Variants in NFASC observed in about 807,000 individuals in gnomAD.
The protein encoded by NFASC is neurofascin, also known as neurofascin homolog.
In NFASC, 43 loss-of-function variants were observed where a neutral mutation model predicts 147.5. The ratio of observed to expected loss-of-function variants is 0.29; its 90% CI spans 0.23 to 0.38. The LOEUF (loss-of-function observed/expected upper bound fraction) is 0.38. Ranked by LOEUF, NFASC falls within the 10% of genes least tolerant of loss-of-function variation. NFASC has a pLI of 1.00. For synonymous variants in NFASC, 622 were observed against 665.5 expected, an observed-to-expected ratio of 0.93 and a Z score of 1.01; for missense variants, 1,320 against 1,689.0, an observed-to-expected ratio of 0.78 and a Z score of 3.83.
chr1:204,978,762 G>GC (rs1240715095), intron 17 of NFASC, among the ~76,000 whole-genome samples: 3 of 152,118 alleles, frequency 2.0e-5, no homozygotes, highest in African/African-American at 7.2e-5. Flanking sequence ...TGTGGGGGGG[G>GC]GCTGGGATTT....
intron 7 of NFASC, among the ~76,000 whole-genome samples, chr1:204,955,419 A>C (rs1156909388): frequency 2.0e-5 from 3 of 152,310 alleles, no homozygotes. Context: ...GGTTGATACC[A>C]AACCACCTCT....
intron 25 of NFASC, chr1:204,997,827 CA>C: frequency 3.8e-6 from 1 of 265,054 alleles, no homozygotes; most frequent in Non-Finnish European, 7.4e-6. Context: ...AGATACTGTA[CA>C]GCTGGCCTGA....
In NFASC at chr1:205,015,671, CCCA is replaced by C. The variant is rs960912413; in HGVS notation, c.3492-626_3492-624del. Among the ~76,000 whole-genome samples, 1 of 151,846 alleles carries C rather than the reference CCCA, an allele frequency of 6.6e-6. No homozygotes were observed. The highest frequency in any genetic ancestry group is 1.5e-5 in the Non-Finnish European group (1 of 68,004). On this transcript the variant is annotated intron_variant, in intron 29 of 29. Transcript: ENST00000339876. The surrounding 1 kb of genome is among the most constrained non-coding windows in gnomAD (Gnocchi z 4.0). ...CATCACCTGCTTACCTGTGTGCCCC[CCCA>C]CCACCACCACTCTTGCGCACCTGTG...
At chr1:204,924,875 C>CTTTGT (rs1172162458) in intron 2 of NFASC, among the ~76,000 whole-genome samples, 4 of 152,042 alleles carry the variant, frequency 2.6e-5, no homozygotes, top group East Asian at 1.9e-4. Flanking sequence ...ATTTTGTTTG[C>CTTTGT]TTTGTTTTGT....
At chr1:204,947,712 T>A (rs984672375) in intron 3 of NFASC, among the ~76,000 whole-genome samples, 1 of 151,844 alleles carries the variant, frequency 6.6e-6, no homozygotes, top group Non-Finnish European at 1.5e-5. Context: ...AGAGTGAGTT[T>A]GCCAAAAAGT....
intron 8 of NFASC, among the ~76,000 whole-genome samples, chr1:204,964,937 G>A (rs2094868067): frequency 6.6e-6 from 1 of 152,144 alleles, no homozygotes. Flanking sequence ...GACCTTTAAG[G>A]CCAACATGGT....
At chr1:204,985,926 A>C in intron 21 of NFASC, 1 of 1,613,034 alleles carries the variant, frequency 6.2e-7, no homozygotes, top group East Asian at 2.2e-5. Flanking sequence ...TACTGGAGGG[A>C]GAGCAGCTTG....
At chr1:204,971,003 G>A (rs1242455159) in intron 11 of NFASC, among the ~76,000 whole-genome samples, 3 of 152,104 alleles carry the variant, frequency 2.0e-5, no homozygotes, top group African/African-American at 7.2e-5. Flanking sequence ...CTCCCTTGGG[G>A]TTTTTTAAAT....
At chr1:204,920,819 C>G (rs2090311215) in intron 2 of NFASC, 79 bp downstream of exon 2, 1 of 620,360 alleles carries the variant, frequency 1.6e-6, no homozygotes. Flanking sequence ...TGCCCCTTCT[C>G]TTTGATAAGG....
chr1:205,005,771 C>T (rs914771234), intron 27 of NFASC, among the ~76,000 whole-genome samples: 2 of 152,206 alleles, frequency 1.3e-5, no homozygotes, highest in African/African-American at 4.8e-5. Context: ...CCCCAGATCC[C>T]ACTTGGTTTT....
chr1:204,873,213 G>A (rs761048918), intron 1 of NFASC, among the ~76,000 whole-genome samples: 1 of 152,218 alleles, frequency 6.6e-6, no homozygotes, highest in African/African-American at 2.4e-5. Flanking sequence ...TTGCAGGCTG[G>A]ACTCTGGATT....
chr1:204,864,921 A>G (rs1487580247), intron 1 of NFASC, among the ~76,000 whole-genome samples: 4 of 152,188 alleles, frequency 2.6e-5, no homozygotes, highest in African/African-American at 4.8e-5. Context: ...ACATCCTTCA[A>G]TACATAAAAG....
chr1:204,969,032 C>T, intron 10 of NFASC, 50 bp downstream of exon 10: 1 of 1,526,930 alleles, frequency 6.5e-7, no homozygotes, highest in East Asian at 2.3e-5. Context: ...CCCTGAACAC[C>T]ATGCCCACCC....
chr1:204,997,298 A>G lies in NFASC; in HGVS notation c.2911A>G (p.Ile971Val), dbSNP rs1558419889. The change falls in exon 25 of 30, where the codon ATC becomes GTC. Residue 971 changes from isoleucine (I) to valine (V), a missense_variant. This residue lies in a region of NFASC where 172 missense variants were observed against 165.8 expected (regional missense o/e 1.04). Coordinates refer to ENST00000339876, the MANE Select transcript of NFASC (RefSeq NM_001005388.3). Reference protein sequence around the residue: ...PIIPTVAPTTIATTTTVATTT... With the variant: ...PIIPTVAPTTVATTTTVATTT... The stretch of plus-strand genomic sequence containing the variant: ...CATCCCAACTGTCGCACCTACCACC[A>G]TCGCCACCACCACCACCGTCGCCAC... The G allele has an allele frequency of 6.2e-7, 1 of 1,605,402 alleles. No individual in the cohort carries two copies. Among genetic ancestry groups the G allele is most frequent in the Admixed American group, 1.7e-5 (1 of 58,528 alleles).
At position 205,001,169 on chromosome 1, in the gene NFASC, G is replaced by A; in HGVS notation, c.3020-1G>A. 3 of 1,591,326 alleles carry A rather than the reference G, an allele frequency of 1.9e-6. No individual in the cohort carries two copies. In the South Asian group the frequency reaches 3.4e-5, roughly 18 times the overall value. On this transcript the variant is annotated splice_acceptor_variant, in intron 25 of 29. Coordinates refer to ENST00000339876, the MANE Select transcript of NFASC (RefSeq NM_001005388.3). LOFTEE classifies it high-confidence loss of function. The stretch of plus-strand genomic sequence containing the variant: ...AACCCCTTTTCTAACCCGTCCACCA[G>A]CCCCTGATGAGCAGTCCATATGGAA...
At chr1:204,980,227 T>C in intron 19 of NFASC, 143 bp from the exon 20 acceptor site, 2 of 705,362 alleles carry the variant, frequency 2.8e-6, no homozygotes, top group Non-Finnish European at 5.2e-6. Context: ...TAAGCTCATT[T>C]ACATACCAGA....
intron 1 of NFASC, among the ~76,000 whole-genome samples, chr1:204,904,363 G>C (rs2085324256): frequency 6.6e-6 from 1 of 152,184 alleles, no homozygotes; most frequent in Non-Finnish European, 1.5e-5. Context: ...CTCCTAAAGT[G>C]ATAGGAATGC....
chr1:204,954,908 C>G lies in NFASC; in HGVS notation c.492C>G (p.Pro164=), dbSNP rs776134889. 1 of 1,614,168 alleles carries G rather than the reference C, an allele frequency of 6.2e-7. No individual in the cohort carries two copies. Among genetic ancestry groups the G allele is most frequent in the South Asian group, 1.1e-5 (1 of 91,080 alleles). Reference sequence around the variant, plus strand: ...CTCCTTTGACGCTCCAGTGCAACCCCCCGCCTGGACTTCCATCCCCGGTCA... The same window carrying G: ...CTCCTTTGACGCTCCAGTGCAACCCGCCGCCTGGACTTCCATCCCCGGTCA... ...EGAPLTLQCN[P]PPGLPSPVIF... The change falls in exon 7 of 30, where the codon CCC becomes CCG. Residue 164 remains proline (P), a synonymous_variant. Coordinates refer to ENST00000339876, the MANE Select transcript of NFASC (RefSeq NM_001005388.3). This position sits in a 1 kb window ranked among gnomAD's most constrained non-coding sequence, Gnocchi z 5.7.
intron 8 of NFASC, among the ~76,000 whole-genome samples, chr1:204,967,275 T>C (rs2095007324): frequency 6.6e-6 from 1 of 152,144 alleles, no homozygotes; most frequent in Admixed American, 6.5e-5. Flanking sequence ...GGTTTCTGGA[T>C]GGAAAATTCT....
Sources: gnomAD v4.1 joint callset for allele counts (sites outside exome capture counted in the v4.1 genomes callset) on GRCh38, gnomAD v4.1.1 for gene constraint, gnomAD v4.1.1 regional missense constraint, Gnocchi (gnomAD v3.1) non-coding constraint, MANE v1.5 for transcripts, NCBI Gene and HGNC (gene_info 2026-07-23, HGNC 2026-07-21) for gene names.